Variants in SNX18 observed in about 807,000 individuals in gnomAD.
SNX18 encodes sorting nexin 18, also known as sorting nexin-18.
A neutral mutation model predicts 48.7 loss-of-function variants in SNX18; 35 were observed. That is an observed-to-expected ratio of 0.72 (90% CI 0.55 to 0.95). The LOEUF (loss-of-function observed/expected upper bound fraction) is 0.95, where lower values mean the gene tolerates loss of function less well. Ranked by LOEUF, SNX18 falls within the 40% of genes least tolerant of loss-of-function variation. The pLI, the probability that SNX18 is intolerant of heterozygous loss-of-function variation, is 0.00. For synonymous variants in SNX18, 492 were observed against 384.7 expected (o/e 1.28, Z -3.26); for missense variants, 824 against 871.0 (o/e 0.95, Z 0.68).
chr5:54,529,390 A>G (rs1204368205), intron 1 of SNX18, among the ~76,000 whole-genome samples: 1 of 152,194 alleles, frequency 6.6e-6, no homozygotes, highest in Non-Finnish European at 1.5e-5. Context: ...GCTTGAGCTA[A>G]GAATGGTTTT....
chr5:54,591,576 C>A, the SNX18 span, among the ~76,000 whole-genome samples: 1 of 152,206 alleles, frequency 6.6e-6, no homozygotes, highest in Non-Finnish European at 1.5e-5. Flanking sequence ...TTGTTGGTGG[C>A]ACTGTGAGCA....
chr5:54,630,471 T>C, the SNX18 span, among the ~76,000 whole-genome samples: 1 of 152,190 alleles, frequency 6.6e-6, no homozygotes, highest in Non-Finnish European at 1.5e-5. Flanking sequence ...AAAGTGCTGC[T>C]TCTGGTCTGG....
At chr5:54,575,363 C>T in the SNX18 span, among the ~76,000 whole-genome samples, 157 of 148,756 alleles carry the variant, frequency 1.1e-3, 1 homozygote, top group Non-Finnish European at 9.6e-4. Flanking sequence ...TGTGCCTCCC[C>T]ACTGCTTTTT....
At chr5:54,599,857 AT>A in the SNX18 span, among the ~76,000 whole-genome samples, 1 of 152,246 alleles carries the variant, frequency 6.6e-6, no homozygotes, top group East Asian at 1.9e-4. Context: ...AAAGACTTAA[AT>A]GTCAAACGCA....
chr5:54,635,806 A>AT, the SNX18 span, among the ~76,000 whole-genome samples: 4 of 152,302 alleles, frequency 2.6e-5, no homozygotes, highest in African/African-American at 9.6e-5. Flanking sequence ...CCATCTTGAA[A>AT]TTTGTAATAC....
chr5:54,519,401 G>A lies in SNX18; in HGVS notation c.1449G>A (p.Gln483=), dbSNP rs762819991. The change falls in exon 1 of 2, where the codon CAG becomes CAA. Residue 483 remains glutamine (Q), a synonymous_variant. Transcript: ENST00000381410. ...GCCAGGCCTTTGAGCTGGACCAGCA[G>A]GCCTTCTCGGTGGGCCTGAACCAGG... ...GLSQAFELDQ[Q]AFSVGLNQAI... The A allele has an allele frequency of 3.7e-6, 6 of 1,613,580 alleles. No homozygotes were observed. Among genetic ancestry groups the A allele is most frequent in the Admixed American group, 1.7e-5 (1 of 60,012 alleles).
chr5:54,541,150 C>A (rs189354220), intron 1 of SNX18, among the ~76,000 whole-genome samples: 27 of 152,122 alleles, frequency 1.8e-4, no homozygotes, highest in Non-Finnish European at 3.7e-4. Context: ...GCCCCAACCT[C>A]CCGAGTAGCT....
chr5:54,521,640 G>A (rs917668859), intron 1 of SNX18, among the ~76,000 whole-genome samples: 13 of 152,154 alleles, frequency 8.5e-5, no homozygotes, highest in Admixed American at 2.0e-4. Flanking sequence ...GTTAATTTGA[G>A]GTTGCAGTGA....
chr5:54,634,665 A>G, the SNX18 span, among the ~76,000 whole-genome samples: 1 of 152,136 alleles, frequency 6.6e-6, no homozygotes, highest in Non-Finnish European at 1.5e-5. Flanking sequence ...CCCCACTAAA[A>G]TCATTTCTGA....
chr5:54,588,745 G>A, the SNX18 span, among the ~76,000 whole-genome samples: 1 of 152,108 alleles, frequency 6.6e-6, no homozygotes, highest in Non-Finnish European at 1.5e-5. Context: ...TCATTTACTT[G>A]CATTTTATCA....
intron 1 of SNX18, among the ~76,000 whole-genome samples, chr5:54,529,026 C>T (rs888469096): frequency 3.3e-5 from 5 of 152,100 alleles, no homozygotes; most frequent in Admixed American, 6.6e-5. Context: ...GAGGTGATAG[C>T]GGAAACACGG....
At chr5:54,590,902 T>A in the SNX18 span, among the ~76,000 whole-genome samples, 1 of 152,162 alleles carries the variant, frequency 6.6e-6, no homozygotes, top group African/African-American at 2.4e-5. Flanking sequence ...TGGTGCATGA[T>A]GAGTAAATGT....
chr5:54,609,576 C>G, the SNX18 span, among the ~76,000 whole-genome samples: 54,306 of 151,910 alleles, frequency 0.36, 10,188 homozygotes, highest in Admixed American at 0.41. Context: ...CCTCAGCCCC[C>G]TAAAGCTTAA....
At chr5:54,577,479 C>T in the SNX18 span, among the ~76,000 whole-genome samples, 2 of 151,708 alleles carry the variant, frequency 1.3e-5, no homozygotes, top group African/African-American at 2.4e-5. Context: ...CCTAGGTCTA[C>T]GGCTTTTGCT....
the SNX18 span, among the ~76,000 whole-genome samples, chr5:54,602,174 G>A: frequency 6.6e-6 from 1 of 152,198 alleles, no homozygotes; most frequent in Non-Finnish European, 1.5e-5. Flanking sequence ...TTTAAGTACA[G>A]AGAGATGTGG....
chr5:54,556,968 AC>A, the SNX18 span, among the ~76,000 whole-genome samples: 2 of 152,222 alleles, frequency 1.3e-5, no homozygotes, highest in Admixed American at 6.5e-5. Context: ...TTCAAAGGAC[AC>A]AAGCAGCATT....
chr5:54,593,801 A>T, the SNX18 span, among the ~76,000 whole-genome samples: 2 of 152,236 alleles, frequency 1.3e-5, no homozygotes, highest in Non-Finnish European at 2.9e-5. Context: ...TAGTCCTCTC[A>T]ACAAATGGTG....
chr5:54,628,654 C>G, the SNX18 span, among the ~76,000 whole-genome samples: 23,363 of 152,208 alleles, frequency 0.15, 1,763 homozygotes, highest in East Asian at 0.16. Context: ...CAAATCTGAT[C>G]ATCCATTTCC....
the SNX18 span, among the ~76,000 whole-genome samples, chr5:54,639,115 C>T: frequency 6.6e-6 from 1 of 152,154 alleles, no homozygotes; most frequent in Non-Finnish European, 1.5e-5. Flanking sequence ...AATGTTCTGC[C>T]ATGAGTTTCC....
Sources: allele counts gnomAD v4.1 joint callset (sites outside exome capture counted in the v4.1 genomes callset), GRCh38; gene constraint gnomAD v4.1.1; transcripts MANE v1.5; gene names NCBI Gene and HGNC (gene_info 2026-07-23, HGNC 2026-07-21).